ADCY5: variants seen among roughly 807,000 people sequenced by gnomAD.
The protein encoded by ADCY5 is adenylate cyclase 5, also known as adenylate cyclase type 5.
Under a neutral mutation model 119.7 loss-of-function variants are expected in ADCY5, and 30 were observed. That is an observed-to-expected ratio of 0.25 (90% CI 0.19 to 0.34). ADCY5 has a LOEUF of 0.34. ADCY5 is among the 10% of genes least tolerant of loss of function. The pLI, the probability that ADCY5 is intolerant of heterozygous loss-of-function variation, is 1.00. For missense variants in ADCY5, 1,324 were observed against 1,775.2 expected, an observed-to-expected ratio of 0.75 and a Z score of 4.57; for synonymous variants, 753 against 762.2, an observed-to-expected ratio of 0.99 and a Z score of 0.20.
At chr3:123,347,575 C>G (rs981131399) in intron 3 of ADCY5, among the ~76,000 whole-genome samples, 1 of 152,104 alleles carries the variant, frequency 6.6e-6, no homozygotes, top group African/African-American at 2.4e-5. Context: ...CCTCCCTCTC[C>G]CCACCCCCAA....
At chr3:123,422,341 G>C (rs1001694810) in intron 1 of ADCY5, among the ~76,000 whole-genome samples, 3 of 152,210 alleles carry the variant, frequency 2.0e-5, no homozygotes, top group Admixed American at 6.5e-5. Context: ...CTCCTCTCGG[G>C]CTGCCCACGG....
chr3:123,433,514 T>G (rs1055374846), intron 1 of ADCY5, among the ~76,000 whole-genome samples: 1 of 152,208 alleles, frequency 6.6e-6, no homozygotes, highest in Non-Finnish European at 1.5e-5. Context: ...ACGAGTTTCA[T>G]TTTCCTTTAG....
chr3:123,434,159 G>A (rs1488386201), intron 1 of ADCY5, among the ~76,000 whole-genome samples: 1 of 152,208 alleles, frequency 6.6e-6, no homozygotes, highest in Non-Finnish European at 1.5e-5. Context: ...TGTGAAAAGA[G>A]CACTGGGTTT....
In ADCY5 at chr3:123,284,505, C is replaced by A. The variant is rs1187207983; in HGVS notation, c.*103G>T. 1 of 1,534,668 alleles carries A rather than the reference C, an allele frequency of 6.5e-7. No homozygotes were observed. Among genetic ancestry groups the A allele is most frequent in the African/African-American group, 1.4e-5 (1 of 73,504 alleles). On this transcript the variant is annotated 3_prime_UTR_variant, in exon 21 of 21. Transcript: ENST00000462833. Reference sequence around the variant, plus strand: ...CAAGTGGAAAATCTCAGCAGCGCAGCCCTGCGGGCTGGAGCATGGCTTCCC... The same window carrying A: ...CAAGTGGAAAATCTCAGCAGCGCAGACCTGCGGGCTGGAGCATGGCTTCCC...
In ADCY5 at chr3:123,358,154, A is replaced by ATGTGTG. The variant is rs1559834360; in HGVS notation, c.1135-5574_1135-5573insCACACA. Among the ~76,000 whole-genome samples, 10 of 81,236 alleles carry ATGTGTG rather than the reference A, an allele frequency of 1.2e-4. No individual in the cohort carries two copies. In the East Asian group the frequency reaches 5.9e-3, roughly 48 times the overall value. The allele number at this position is 81,236 out of a possible 152,430, so 53.3% of individuals were successfully genotyped here. A position where few individuals can be genotyped will look rare whatever the true frequency, so the allele number is the denominator to read the frequency against. Reference sequence around the variant, plus strand: ...CGGGACACATCTAACCACATGGAACACGTGTGTGTGTGTGTGTGTGTGTGT... The same window carrying ATGTGTG: ...CGGGACACATCTAACCACATGGAACATGTGTGCGTGTGTGTGTGTGTGTGTGTGTGT... On this transcript the variant is annotated intron_variant, in intron 1 of 20. Transcript: ENST00000462833.
intron 3 of ADCY5, among the ~76,000 whole-genome samples, chr3:123,338,397 G>C (rs746923455): frequency 1.3e-5 from 2 of 152,186 alleles, no homozygotes; most frequent in Non-Finnish European, 2.9e-5. Context: ...GCAGCTTTGG[G>C]GGAGGATTCT....
intron 2 of ADCY5, among the ~76,000 whole-genome samples, chr3:123,351,449 T>C (rs1234331304): frequency 1.3e-5 from 2 of 152,280 alleles, no homozygotes; most frequent in Admixed American, 6.5e-5. Context: ...ATATCAGCCA[T>C]GGGGGCTGAC....
chr3:123,390,156 AG>A (rs1944361595), intron 1 of ADCY5, among the ~76,000 whole-genome samples: 2 of 152,180 alleles, frequency 1.3e-5, no homozygotes, highest in African/African-American at 4.8e-5. Flanking sequence ...GCTAGAGGAG[AG>A]AGGCCGTCCC....
chr3:123,378,378 A>G (rs946620668), intron 1 of ADCY5, among the ~76,000 whole-genome samples: 1 of 147,448 alleles, frequency 6.8e-6, no homozygotes, highest in African/African-American at 2.5e-5. Context: ...ACAGGCCTCG[A>G]AAAAAAAAAA....
In ADCY5 at chr3:123,314,187, G is replaced by A. The variant is rs1234943510; in HGVS notation, c.2442+48C>T. On this transcript the variant is annotated intron_variant, in intron 12 of 20. Coordinates refer to ENST00000462833, the MANE Select transcript of ADCY5 (RefSeq NM_183357.3). ...CCCTGGGTAGGGCCCCTAGGGCTGA[G>A]AGAAGCGGGAAGAAGGTGGCTGCAA... 6.0e-6 allele frequency: 9 copies of A among 1,508,522 alleles called. No homozygotes were observed. In the Admixed American group the frequency reaches 1.2e-4, roughly 20 times the overall value. 93.4% of individuals were successfully genotyped at this position (1,508,522 alleles called of 1,614,324 possible). A position where few individuals can be genotyped will look rare whatever the true frequency, so the allele number is the denominator to read the frequency against.
At chr3:123,299,698 G>A (rs913519426) in intron 15 of ADCY5, among the ~76,000 whole-genome samples, 6 of 152,256 alleles carry the variant, frequency 3.9e-5, no homozygotes, top group Admixed American at 1.3e-4. Context: ...AGTTGCTGCA[G>A]GAGGAAGAGG....
intron 1 of ADCY5, among the ~76,000 whole-genome samples, chr3:123,441,084 C>T (rs1945714027): frequency 6.6e-6 from 1 of 152,294 alleles, no homozygotes; most frequent in African/African-American, 2.4e-5. Context: ...AAGACACTGA[C>T]CCACAGAATT....
intron 17 of ADCY5, among the ~76,000 whole-genome samples, chr3:123,294,746 C>T (rs892726774): frequency 3.9e-5 from 6 of 152,140 alleles, no homozygotes; most frequent in African/African-American, 1.4e-4. Flanking sequence ...GCCTGCCGCA[C>T]CCCTGCTGAT....
chr3:123,327,176 G>A (rs60837921), intron 7 of ADCY5, among the ~76,000 whole-genome samples: 9,534 of 152,210 alleles, frequency 0.063, 993 homozygotes, highest in African/African-American at 0.22. Context: ...AGACTAGAAA[G>A]GGAAAGGGGA....
At chr3:123,322,558 G>A (rs754014118) in intron 8 of ADCY5, among the ~76,000 whole-genome samples, 24 of 152,060 alleles carry the variant, frequency 1.6e-4, no homozygotes, top group Non-Finnish European at 2.6e-4. Flanking sequence ...CAACAGAGCC[G>A]ACTGGGCTCA....
In ADCY5 at chr3:123,426,276, T is replaced by TTTTTCTTTTTC. The variant is rs368748216; in HGVS notation, c.1134+21125_1134+21135dup. Among the ~76,000 whole-genome samples, 235 of 147,532 alleles carry TTTTTCTTTTTC rather than the reference T, an allele frequency of 1.6e-3. 2 individuals are homozygous for TTTTTCTTTTTC. The highest frequency in any genetic ancestry group is 5.7e-3 in the African/African-American group (229 of 40,182). Reference sequence around the variant, plus strand: ...TACCTGTAGGAGCTGACATTCTTTTTTTTTCTTTTTCTTTTCTTTTGTGTT... The same window carrying TTTTTCTTTTTC: ...TACCTGTAGGAGCTGACATTCTTTTTTTTTCTTTTTCTTTTCTTTTTCTTTTCTTTTGTGTT... On this transcript the variant is annotated intron_variant, in intron 1 of 20. Coordinates refer to ENST00000462833, the MANE Select transcript of ADCY5 (RefSeq NM_183357.3).
chr3:123,419,255 G>T, intron 1 of ADCY5: 1 of 976,486 alleles, frequency 1.0e-6, no homozygotes, highest in Non-Finnish European at 1.2e-6. Flanking sequence ...CCCTCCACGC[G>T]CCCCCACAGG....
Position 123,313,255 on chromosome 3 carries a change from C to T in ADCY5, c.2442+980G>A, listed in dbSNP as rs183486534. Reference sequence around the variant, plus strand: ...AGACCTTGACCATGACGTGACTATACGGTTAACAGACTAATAAGGGCCCTC... The same window carrying T: ...AGACCTTGACCATGACGTGACTATATGGTTAACAGACTAATAAGGGCCCTC... On this transcript the variant is annotated intron_variant, in intron 12 of 20. Coordinates refer to ENST00000462833, the MANE Select transcript of ADCY5 (RefSeq NM_183357.3). Among the ~76,000 whole-genome samples, 6 of 152,146 alleles carry T rather than the reference C, an allele frequency of 3.9e-5. No homozygotes were observed. The East Asian group carries it at 7.7e-4, about 20-fold the overall frequency.
chr3:123,363,737 C>T (rs1943337387), intron 1 of ADCY5, among the ~76,000 whole-genome samples: 1 of 152,062 alleles, frequency 6.6e-6, no homozygotes, highest in African/African-American at 2.4e-5. Flanking sequence ...AGTGAGACCC[C>T]ATCTCTACAA....
Sources: allele counts gnomAD v4.1 joint callset (sites outside exome capture counted in the v4.1 genomes callset), GRCh38; gene constraint gnomAD v4.1.1; transcripts MANE v1.5; gene names NCBI Gene and HGNC (gene_info 2026-07-23, HGNC 2026-07-21).